INF2: variants seen among roughly 807,000 people sequenced by gnomAD.
The protein encoded by INF2 is inverted formin-2.
A neutral mutation model predicts 123.5 loss-of-function variants in INF2; 43 were observed. That is an observed-to-expected ratio of 0.35 (90% confidence interval 0.27 to 0.45). The LOEUF (loss-of-function observed/expected upper bound fraction) is 0.45. Ranked by LOEUF, INF2 falls within the 20% of genes least tolerant of loss-of-function variation. The pLI, the probability that INF2 is intolerant of heterozygous loss-of-function variation, is 1.00. For missense variants in INF2, 1,453 were observed against 1,682.7 expected (o/e 0.86, Z 2.39); for synonymous variants, 851 against 745.0 (o/e 1.14, Z -2.32).
intron 8 of INF2, 88 bp downstream of exon 8, chr14:104,708,090 T>C (rs1889870655): frequency 6.3e-7 from 1 of 1,576,482 alleles, no homozygotes; most frequent in Non-Finnish European, 8.6e-7. Flanking sequence ...ACATGGAACT[T>C]GTGTGCGCGT....
chr14:104,713,729 C>T (rs2140697466), intron 20 of INF2, 123 bp downstream of exon 20: 1 of 1,122,290 alleles, frequency 8.9e-7, no homozygotes, highest in East Asian at 2.6e-5. Flanking sequence ...CCTGGAGGCC[C>T]CTAAGACTGG....
chr14:104,689,114 G>T, upstream of INF2: 1 of 722,950 alleles, frequency 1.4e-6, no homozygotes, highest in Non-Finnish European at 1.7e-6. Context: ...AGGCCACATG[G>T]GTGGCCTGGT....
rs1335854098 is a variant in INF2 at position 104,719,234 on chromosome 14, A to C, written c.*441A>C. Reference sequence around the variant, plus strand: ...GGTGGCTGAGTTGGGGGCCCTGGGCAGGGGTAAGCTGGCAGGCAGTGCCAT... The same window carrying C: ...GGTGGCTGAGTTGGGGGCCCTGGGCCGGGGTAAGCTGGCAGGCAGTGCCAT... On this transcript the variant is annotated 3_prime_UTR_variant, in exon 23 of 23. Transcript: ENST00000392634. 5.9e-6 allele frequency: 1 copy of C among 170,228 alleles called. No homozygotes were observed. Among genetic ancestry groups the C allele is most frequent in the Admixed American group, 6.2e-5 (1 of 16,110 alleles). The allele number at this position is 170,228 out of a possible 1,614,324, so 10.5% of individuals were successfully genotyped here. A position where few individuals can be genotyped will look rare whatever the true frequency, so the allele number is the denominator to read the frequency against.
At chr14:104,712,337 AGTGGGGT>A (rs1352055247) in intron 16 of INF2, 89 bp from the exon 17 acceptor site, 2 of 1,524,590 alleles carry the variant, frequency 1.3e-6, no homozygotes, top group African/African-American at 2.7e-5. Context: ...CAGGGTGCAC[AGTGGGGT>A]GCCGGGGGGT....
chr14:104,714,525 C>G lies in INF2; in HGVS notation c.3363C>G (p.Pro1121=), dbSNP rs745819006. The change falls in exon 21 of 23, where the codon CCC becomes CCG. Residue 1121 remains proline, a synonymous_variant. Coordinates refer to ENST00000392634, the MANE Select transcript of INF2 (RefSeq NM_022489.4). ...LKPLKFSSNQ[P]PAAGSSRQDA... is the part of the protein sequence containing the mutation. ...CCCTCAAGTTCTCCAGCAACCAGCCCCCTGCAGCCGGAAGTTCAAGGCAAG... is the reference window on the plus strand; with the variant it reads ...CCCTCAAGTTCTCCAGCAACCAGCCGCCTGCAGCCGGAAGTTCAAGGCAAG... 14 of 1,612,692 alleles carry G rather than the reference C, an allele frequency of 8.7e-6. No homozygotes were observed. In the East Asian group the frequency reaches 3.1e-4, roughly 36 times the overall value.
chr14:104,687,028 G>A (rs1232343583), upstream of INF2, among the ~76,000 whole-genome samples: 3 of 152,176 alleles, frequency 2.0e-5, no homozygotes, highest in African/African-American at 7.2e-5. The surrounding 1 kb of genome is among the most constrained non-coding windows in gnomAD (Gnocchi z 5.6). Flanking sequence ...GTACCTGCAC[G>A]ACCCTGTTCT....
intron 6 of INF2, among the ~76,000 whole-genome samples, chr14:104,706,560 G>A (rs551926515): frequency 9.8e-5 from 15 of 152,286 alleles, no homozygotes; most frequent in Admixed American, 2.0e-4. Context: ...CTGAATTCTC[G>A]TCAAGCTCAG....
chr14:104,709,765 T>C, intron 12 of INF2, 60 bp downstream of exon 12: 2 of 1,456,066 alleles, frequency 1.4e-6, no homozygotes, highest in East Asian at 2.3e-5. Context: ...AGAGCAGGAA[T>C]AGGGAGCAGG....
chr14:104,715,219 C>T, intron 21 of INF2, 65 bp from the exon 22 acceptor site: 1 of 1,520,514 alleles, frequency 6.6e-7, no homozygotes, highest in South Asian at 1.1e-5. Flanking sequence ...CAGCCCCACC[C>T]ACTCCGAGTC....
At chr14:104,707,123 G>A in intron 7 of INF2, 72 bp downstream of exon 7, 1 of 1,514,962 alleles carries the variant, frequency 6.6e-7, no homozygotes, top group East Asian at 2.4e-5. Context: ...ATGGGGGGGG[G>A]AGCCTGCCCT....
intron 6 of INF2, 108 bp from the exon 7 acceptor site, chr14:104,706,802 G>A: frequency 7.9e-7 from 1 of 1,270,574 alleles, no homozygotes; most frequent in South Asian, 1.4e-5. Context: ...AGGGATCCGT[G>A]GGAATAGAGG....
chr14:104,708,174 G>T, intron 8 of INF2, 172 bp downstream of exon 8: 1 of 1,090,606 alleles, frequency 9.2e-7, no homozygotes, highest in Non-Finnish European at 1.3e-6. Flanking sequence ...GGGGACGGGG[G>T]AGGAGCAGGG....
At position 104,703,230 on chromosome 14, in the gene INF2, AGGGCCT is replaced by A; in HGVS notation, c.507+21_507+26del. ...CCTGGACCACTACAAGGTGGGCGGCAGGGCCTGGGCCTGGGCACATGGGGCTCCCTG... is the reference window on the plus strand; with the variant it reads ...CCTGGACCACTACAAGGTGGGCGGCAGGGCCTGGGCACATGGGGCTCCCTG... On this transcript the variant is annotated intron_variant, in intron 3 of 22. Coordinates refer to ENST00000392634, the MANE Select transcript of INF2 (RefSeq NM_022489.4). 2 of 1,613,070 alleles carry A rather than the reference AGGGCCT, an allele frequency of 1.2e-6. No individual in the cohort carries two copies. Among genetic ancestry groups the A allele is most frequent in the Non-Finnish European group, 8.5e-7 (1 of 1,179,830 alleles).
chr14:104,718,250 GC>G (rs1890406111), intron 22 of INF2, among the ~76,000 whole-genome samples: 2 of 152,252 alleles, frequency 1.3e-5, no homozygotes, highest in African/African-American at 4.8e-5. Flanking sequence ...TCAGACAAGG[GC>G]CATCGAGGGC....
At chr14:104,688,390 G>A (rs1008053540), upstream of INF2, among the ~76,000 whole-genome samples, 1 of 152,320 alleles carries the variant, frequency 6.6e-6, no homozygotes, top group Admixed American at 6.5e-5. Context: ...ACACGCAGCT[G>A]GCCTCAAAGC....
chr14:104,708,620 G>A (rs780581614), intron 9 of INF2, 33 bp downstream of exon 9: 123 of 1,612,552 alleles, frequency 7.6e-5, no homozygotes, highest in Non-Finnish European at 9.8e-5. Flanking sequence ...GACCGGGGCC[G>A]CCTGCCTGGC....
chr14:104,718,657 G>C, intron 22 of INF2, 138 bp from the exon 23 acceptor site: 1 of 1,464,894 alleles, frequency 6.8e-7, no homozygotes, highest in East Asian at 2.5e-5. Context: ...TGGGGTCAGA[G>C]TGGACCTGCG....
rs1888598779 is a variant in INF2, at chr14:104,684,003, C to T, written c.-104+2421C>T. ...CCAGGGAGCCCATCTGGTGCTCCCTCCAGCTCCTCAAATTCCCAACACCAG... is the reference window on the plus strand; with the variant it reads ...CCAGGGAGCCCATCTGGTGCTCCCTTCAGCTCCTCAAATTCCCAACACCAG... On this transcript the variant is annotated intron_variant, in intron 1 of 2. Coordinates refer to the INF2 transcript ENST00000674723. The surrounding 1 kb of genome is among the most constrained non-coding windows in gnomAD (Gnocchi z 5.0). The T allele has an allele frequency of 6.6e-6, 3 of 455,612 alleles. No individual in the cohort carries two copies. Among genetic ancestry groups the T allele is most frequent in the African/African-American group, 6.0e-5 (3 of 50,060 alleles). 28.2% of individuals were successfully genotyped at this position (455,612 alleles called of 1,614,324 possible).
chr14:104,708,864 T>C lies in INF2; in HGVS notation c.1949+132T>C, dbSNP rs947104748. ...ACACTGCATCCCCTAGGCAGGATTGTAGGCGGGTAATAGCCCCATGCTGCC... is the reference window on the plus strand; with the variant it reads ...ACACTGCATCCCCTAGGCAGGATTGCAGGCGGGTAATAGCCCCATGCTGCC... On this transcript the variant is annotated intron_variant, in intron 10 of 22. Transcript: ENST00000392634. 34 of 1,010,984 alleles carry C rather than the reference T, an allele frequency of 3.4e-5. 1 individual carries two copies. Among genetic ancestry groups the C allele is most frequent in the Admixed American group, 1.9e-4 (11 of 57,382 alleles). 62.6% of individuals were successfully genotyped at this position (1,010,984 alleles called of 1,614,324 possible).
Sources: gnomAD v4.1 joint callset for allele counts (sites outside exome capture counted in the v4.1 genomes callset) on GRCh38, gnomAD v4.1.1 for gene constraint, Gnocchi (gnomAD v3.1) non-coding constraint, MANE v1.5 for transcripts, NCBI Gene and HGNC (gene_info 2026-07-23, HGNC 2026-07-21) for gene names.